The following PIEZO2 variants were observed in gnomAD, a reference collection of about 807,000 sequenced individuals.
PIEZO2 encodes piezo type mechanosensitive ion channel component 2, also known as piezo-type mechanosensitive ion channel component 2.
In PIEZO2, 172 loss-of-function variants were observed where a neutral mutation model predicts 337.3. The ratio of observed to expected loss-of-function variants is 0.51; its 90% CI spans 0.45 to 0.58. PIEZO2 has a LOEUF of 0.58. PIEZO2 is among the 20% of genes least tolerant of loss of function. PIEZO2 has a pLI of 0.00. For synonymous variants in PIEZO2, 1,251 were observed against 1,228.5 expected (o/e 1.02, Z -0.38); for missense variants, 3,028 against 3,391.3 (o/e 0.89, Z 2.66).
At chr18:11,100,016 T>G (rs1158579000) in intron 1 of PIEZO2, among the ~76,000 whole-genome samples, 1 of 152,168 alleles carries the variant, frequency 6.6e-6, no homozygotes, top group African/African-American at 2.4e-5. Flanking sequence ...CATAAAAAAC[T>G]TATTATTTTA....
chr18:10,886,265 C>G lies in PIEZO2; in HGVS notation c.330-14850G>C, dbSNP rs371883374. Among the ~76,000 whole-genome samples the G allele has an allele frequency of 2.6e-4, 35 of 134,414 alleles. No homozygotes were observed. The South Asian group carries it at 9.0e-3, about 35-fold the overall frequency. 88.2% of individuals were successfully genotyped at this position (134,414 alleles called of 152,430 possible). A position where few individuals can be genotyped will look rare whatever the true frequency, so the allele number is the denominator to read the frequency against. On this transcript the variant is annotated intron_variant, in intron 4 of 55. Coordinates refer to ENST00000674853, the MANE Select transcript of PIEZO2 (RefSeq NM_001378183.1). Reference sequence around the variant, plus strand: ...TATCCACCCTCATCCTGGGATGAGACATTTCAAGAACCCCAGTGGATGCTT... The same window carrying G: ...TATCCACCCTCATCCTGGGATGAGAGATTTCAAGAACCCCAGTGGATGCTT...
Position 10,671,486 on chromosome 18 carries a change from A to T in PIEZO2, c.*41T>A, listed in dbSNP as rs1423921845. 1 of 1,568,522 alleles carries T rather than the reference A, an allele frequency of 6.4e-7. No homozygotes were observed. Among genetic ancestry groups the T allele is most frequent in the Non-Finnish European group, 8.6e-7 (1 of 1,157,942 alleles). On this transcript the variant is annotated 3_prime_UTR_variant, in exon 56 of 56. Coordinates refer to ENST00000674853, the MANE Select transcript of PIEZO2 (RefSeq NM_001378183.1). ...TGAGAATATTGTGCTTTTAAAAAAA[A>T]TTCAAATGTTAACATTATTTGCAGT...
At chr18:10,763,721 G>A (rs1413962694) in intron 21 of PIEZO2, among the ~76,000 whole-genome samples, 1 of 152,178 alleles carries the variant, frequency 6.6e-6, no homozygotes, top group Non-Finnish European at 1.5e-5. Flanking sequence ...GAATTTGGAG[G>A]TAAGATTTGC....
At chr18:11,041,846 C>G (rs1341786735) in intron 2 of PIEZO2, among the ~76,000 whole-genome samples, 1 of 152,204 alleles carries the variant, frequency 6.6e-6, no homozygotes, top group Non-Finnish European at 1.5e-5. Context: ...CATTCAGTAT[C>G]TATATTACCA....
rs182129810 is a variant in PIEZO2 at position 10,956,569 on chromosome 18, G to T, written c.286+22966C>A. Among the ~76,000 whole-genome samples the T allele has an allele frequency of 3.3e-4, 51 of 152,268 alleles. No individual in the cohort carries two copies. The East Asian group carries it at 8.5e-3, about 25-fold the overall frequency. Reference sequence around the variant, plus strand: ...ATGGAGCAACAAAAGACCCCAAACAGCTAAAACAATCTTGGACAAGGCAAA... The same window carrying T: ...ATGGAGCAACAAAAGACCCCAAACATCTAAAACAATCTTGGACAAGGCAAA... On this transcript the variant is annotated intron_variant, in intron 3 of 55. Coordinates refer to ENST00000674853, the MANE Select transcript of PIEZO2 (RefSeq NM_001378183.1).
intron 34 of PIEZO2, among the ~76,000 whole-genome samples, 51 bp from the exon 35 acceptor site, chr18:10,735,381 G>C (rs1459456041): frequency 6.6e-6 from 1 of 152,118 alleles, no homozygotes; most frequent in African/African-American, 2.4e-5. Flanking sequence ...CCAAAAACTA[G>C]TAATTTAATA....
rs184776398 is a variant in PIEZO2, at chr18:11,118,877, T to C, written c.64+29648A>G. 1.7e-3 allele frequency among the ~76,000 whole-genome samples: 263 copies of C among 152,284 alleles called. 2 individuals are homozygous for C. The highest frequency in any genetic ancestry group is 0.016 in the Admixed American group (249 of 15,294). On this transcript the variant is annotated intron_variant, in intron 1 of 55. Coordinates refer to ENST00000674853, the MANE Select transcript of PIEZO2 (RefSeq NM_001378183.1). ...ACAGTTAGACCCAAGGCAAGAAATA[T>C]AGACACAATCCTACTGGAGAATTTT...
intron 7 of PIEZO2, among the ~76,000 whole-genome samples, chr18:10,827,846 C>T (rs368858684): frequency 5.9e-5 from 9 of 152,298 alleles, no homozygotes; most frequent in South Asian, 4.1e-4. Flanking sequence ...TGTTAAGGGG[C>T]TTCTTGATGT....
At chr18:10,941,360 C>A (rs909774678) in intron 3 of PIEZO2, among the ~76,000 whole-genome samples, 5 of 152,110 alleles carry the variant, frequency 3.3e-5, no homozygotes, top group African/African-American at 1.2e-4. Flanking sequence ...CCCGCTTACA[C>A]CCCAAGTAGA....
rs1206771166 is a variant in PIEZO2, at chr18:10,942,150, C to T, written c.287-30922G>A. Among the ~76,000 whole-genome samples, 2 of 152,190 alleles carry T rather than the reference C, an allele frequency of 1.3e-5. No homozygotes were observed. The highest frequency in any genetic ancestry group is 4.8e-5 in the African/African-American group (2 of 41,442). On this transcript the variant is annotated intron_variant, in intron 3 of 55. Transcript: ENST00000674853. The surrounding 1 kb of genome is among the most constrained non-coding windows in gnomAD (Gnocchi z 4.4). ...GTAAAATGCCTAGTCTCTGGAATGT[C>T]TTTCTCAGCAGCATGAAAATGAACT...
Position 10,748,476 on chromosome 18 carries a change from T to C in PIEZO2, c.4419A>G (p.Ala1473=), listed in dbSNP as rs1356925708. 2.0e-6 allele frequency: 3 copies of C among 1,537,042 alleles called. No individual in the cohort carries two copies. The East Asian group carries it at 7.3e-5, about 38-fold the overall frequency. Residue 1473 remains alanine (A), a synonymous_variant, in exon 30 of 56, where the codon GCA becomes GCG. Coordinates refer to ENST00000674853, the MANE Select transcript of PIEZO2 (RefSeq NM_001378183.1). This position sits in a 1 kb window ranked among gnomAD's most constrained non-coding sequence, Gnocchi z 5.1. ...GATTTCATGGCCTGACCCACCTTGA[T>C]GCCAGAATCTGGGAAGCTTTTATAT... ...VADIKASQIL[A]SRGAELFQAT...
intron 54 of PIEZO2, among the ~76,000 whole-genome samples, chr18:10,674,957 A>G (rs2033928495): frequency 6.6e-6 from 1 of 152,242 alleles, no homozygotes; most frequent in Non-Finnish European, 1.5e-5. Context: ...AATCAGTACT[A>G]TAAGAAATTT....
chr18:11,069,721 G>A lies in PIEZO2; in HGVS notation c.65-3499C>T, dbSNP rs899312643. Among the ~76,000 whole-genome samples the A allele has an allele frequency of 5.3e-5, 8 of 152,168 alleles. No individual in the cohort carries two copies. The highest frequency in any genetic ancestry group is 1.4e-4 in the African/African-American group (6 of 41,448). ...AAATCAATACATCAAAATTGGAAAG[G>A]AAGAGGCAAAGCAAATTTGTGTTTG... is the stretch of plus-strand genomic sequence containing the variant. On this transcript the variant is annotated intron_variant, in intron 1 of 55. Coordinates refer to ENST00000674853, the MANE Select transcript of PIEZO2 (RefSeq NM_001378183.1). The surrounding 1 kb of genome is among the most constrained non-coding windows in gnomAD (Gnocchi z 4.9).
chr18:10,731,213 ATATATC>A (rs1567995807), intron 36 of PIEZO2, among the ~76,000 whole-genome samples, 188 bp downstream of exon 36: 4 of 127,182 alleles, frequency 3.1e-5, no homozygotes, highest in Non-Finnish European at 4.9e-5. Flanking sequence ...ATATATATAT[ATATATC>A]TCCTAACTTT....
intron 4 of PIEZO2, among the ~76,000 whole-genome samples, chr18:10,905,192 C>T (rs1361553027): frequency 6.6e-6 from 1 of 152,172 alleles, no homozygotes; most frequent in Admixed American, 6.5e-5. Flanking sequence ...AATTTAGAAG[C>T]CCATCTTTCA....
intron 36 of PIEZO2, among the ~76,000 whole-genome samples, chr18:10,722,884 G>T (rs549656732): frequency 1.3e-5 from 2 of 151,928 alleles, no homozygotes; most frequent in Admixed American, 6.5e-5. Flanking sequence ...GACCAGCAAG[G>T]CATGAGAACT....
chr18:10,782,311 A>ATAATATATTATAATTATATATAAATAAT (rs1568050792), intron 17 of PIEZO2, among the ~76,000 whole-genome samples: 1 of 76,136 alleles, frequency 1.3e-5, no homozygotes, highest in Non-Finnish European at 2.5e-5. Flanking sequence ...ATAAATAATT[A>ATAATATATTATAATTATATATAAATAAT]TATAATATAT....
At chr18:10,790,269 T>C (rs1230401105) in intron 14 of PIEZO2, among the ~76,000 whole-genome samples, 6 of 152,202 alleles carry the variant, frequency 3.9e-5, no homozygotes, top group South Asian at 2.1e-4. Flanking sequence ...TGTGTGTGTG[T>C]ATGGAGATAT....
rs1361308148 is a variant in PIEZO2, at chr18:10,870,152, A to C, written c.492+1101T>G. Among the ~76,000 whole-genome samples the C allele has an allele frequency of 6.6e-6, 1 of 152,240 alleles. No individual in the cohort carries two copies. The stretch of plus-strand genomic sequence containing the variant: ...GGGCCTCCCAAGGTGCTGGGATTAC[A>C]GGTCTGAGCCACAGTGCCTGGCTAG... On this transcript the variant is annotated intron_variant, in intron 5 of 55. Transcript: ENST00000674853. The surrounding 1 kb of genome is among the most constrained non-coding windows in gnomAD (Gnocchi z 5.3).
Sources: gnomAD v4.1 joint callset for allele counts (sites outside exome capture counted in the v4.1 genomes callset) on GRCh38, gnomAD v4.1.1 for gene constraint, Gnocchi (gnomAD v3.1) non-coding constraint, MANE v1.5 for transcripts, NCBI Gene and HGNC (gene_info 2026-07-23, HGNC 2026-07-21) for gene names.